The following NOX1 variants were observed in gnomAD, a reference collection of about 807,000 sequenced individuals.
NOX1 encodes the protein NADPH oxidase 1, also known as NADH/NADPH mitogenic oxidase subunit P65-MOX.
NOX1 carries 34 observed loss-of-function variants against 42.5 expected under a neutral mutation model. The observed-to-expected ratio is 0.80, with a 90% confidence interval of 0.61 to 1.07. NOX1 has a LOEUF of 1.07. Among genes scored for constraint, NOX1 ranks in the 50% least tolerant of loss-of-function variants. The pLI, the probability that NOX1 is intolerant of heterozygous loss-of-function variation, is 0.00. For missense variants in NOX1, 408 were observed against 427.0 expected (o/e 0.96, Z 0.39); for synonymous variants, 143 against 152.5 (o/e 0.94, Z 0.46).
intron 2 of NOX1, among the ~76,000 whole-genome samples, chrX:100,867,256 G>A (rs1047150981): frequency 9.0e-6 from 1 of 111,262 alleles, no homozygotes; most frequent in Non-Finnish European, 1.9e-5. Context: ...TCCTGACCTC[G>A]TGATCCGCCC....
chrX:100,853,373 TC>T lies in NOX1; in HGVS notation c.805-2049del, dbSNP rs1362977650. Among the ~76,000 whole-genome samples, 493 of 96,931 alleles carry T rather than the reference TC, an allele frequency of 5.1e-3. 12 individuals are homozygous for T. The highest frequency in any genetic ancestry group is 0.018 in the African/African-American group (473 of 25,970). 84.2% of individuals were successfully genotyped at this position (96,931 alleles called of 115,157 possible). Reference sequence around the variant, plus strand: ...TTCTTTCTTTCTTTCTTTCTTTTCTTCCTTCCTTCCTTCCTTGCTTTCTTCC... The same window carrying T: ...TTCTTTCTTTCTTTCTTTCTTTTCTTCTTCCTTCCTTCCTTGCTTTCTTCC... On this transcript the variant is annotated intron_variant, in intron 7 of 12. Coordinates refer to ENST00000372966, the MANE Select transcript of NOX1 (RefSeq NM_007052.5).
At position 100,844,195 on chromosome X, in the gene NOX1, C is replaced by A; in HGVS notation, c.1569-117G>T. On this transcript the variant is annotated intron_variant, in intron 12 of 12. Transcript: ENST00000372966. ...TTGAATAAAAATTCGGTTGTTTACTCCCACGTTCTTCATGGTAGTTTTTTA... is the reference window on the plus strand; with the variant it reads ...TTGAATAAAAATTCGGTTGTTTACTACCACGTTCTTCATGGTAGTTTTTTA... 4 of 664,572 alleles carry A rather than the reference C, an allele frequency of 6.0e-6. No homozygotes were observed. In the South Asian group the frequency reaches 1.3e-4, roughly 22 times the overall value. The allele number at this position is 664,572 out of a possible 1,213,427, so 54.8% of individuals were successfully genotyped here.
intron 7 of NOX1, chrX:100,855,200 T>G: frequency 2.1e-6 from 1 of 468,773 alleles, no homozygotes; most frequent in Non-Finnish European, 3.9e-6. Context: ...GCCACCACTG[T>G]GTTTGGCTGA....
At chrX:100,865,036 C>T (rs887658549) in intron 2 of NOX1, among the ~76,000 whole-genome samples, 2 of 112,327 alleles carry the variant, frequency 1.8e-5, no homozygotes, top group African/African-American at 6.5e-5. Flanking sequence ...TTTAATAAGC[C>T]AGGACAAGAT....
chrX:100,869,858 G>A (rs2147921423), intron 2 of NOX1, among the ~76,000 whole-genome samples: 1 of 101,020 alleles, frequency 9.9e-6, no homozygotes, highest in Non-Finnish European at 2.0e-5. Flanking sequence ...TTTATTGAGA[G>A]TTTTTAGCAT....
intron 7 of NOX1, among the ~76,000 whole-genome samples, chrX:100,860,676 G>A (rs1388243991): frequency 9.0e-6 from 1 of 111,572 alleles, no homozygotes; most frequent in Admixed American, 9.6e-5. Flanking sequence ...TTATATATTA[G>A]AAAATTAGTC....
At chrX:100,850,934 G>A (rs762296455) in intron 8 of NOX1, among the ~76,000 whole-genome samples, 9 of 111,048 alleles carry the variant, frequency 8.1e-5, no homozygotes, top group Non-Finnish European at 1.7e-4. Flanking sequence ...CTGCCTCCCG[G>A]GTTCAAGCGA....
At chrX:100,853,090 C>G (rs987816346) in intron 7 of NOX1, among the ~76,000 whole-genome samples, 1 of 111,010 alleles carries the variant, frequency 9.0e-6, no homozygotes, top group African/African-American at 3.3e-5. Context: ...TGGAACTTCA[C>G]TTCTGGGAAA....
At chrX:100,844,365 G>A (rs1409002261) in intron 12 of NOX1, among the ~76,000 whole-genome samples, 2 of 112,285 alleles carry the variant, frequency 1.8e-5, no homozygotes, top group East Asian at 5.6e-4. Flanking sequence ...TGTCTGGGTT[G>A]TCTGGGCTCA....
At chrX:100,854,983 T>C (rs1363025271) in intron 7 of NOX1, among the ~76,000 whole-genome samples, 4 of 110,795 alleles carry the variant, frequency 3.6e-5, no homozygotes, top group Non-Finnish European at 5.7e-5. Flanking sequence ...TTCAGTGTCA[T>C]GATCAGACTA....
At chrX:100,861,492 A>T (rs1388101045) in intron 7 of NOX1, among the ~76,000 whole-genome samples, 1 of 111,655 alleles carries the variant, frequency 9.0e-6, no homozygotes, top group Non-Finnish European at 1.9e-5. Context: ...AAGCAAAGGT[A>T]AATAATAATA....
At chrX:100,854,725 A>G (rs1248327231) in intron 7 of NOX1, among the ~76,000 whole-genome samples, 1 of 112,077 alleles carries the variant, frequency 8.9e-6, no homozygotes, top group Non-Finnish European at 1.9e-5. Flanking sequence ...ATAACCAATA[A>G]TTCCATGATT....
rs145918754 is a variant in NOX1 at position 100,853,414 on chromosome X, T to C, written c.805-2089A>G. Among the ~76,000 whole-genome samples the C allele has an allele frequency of 9.3e-3, 924 of 99,298 alleles. 13 individuals are homozygous for C. Among genetic ancestry groups the C allele is most frequent in the African/African-American group, 0.035 (877 of 25,371 alleles). 86.2% of individuals were successfully genotyped at this position (99,298 alleles called of 115,157 possible). A position where few individuals can be genotyped will look rare whatever the true frequency, so the allele number is the denominator to read the frequency against. On this transcript the variant is annotated intron_variant, in intron 7 of 12. Coordinates refer to ENST00000372966, the MANE Select transcript of NOX1 (RefSeq NM_007052.5). ...TGCTTTCTTCCTTGCGTCCTTCCTTTCTTTCTTTCTTTTTTTTTTTTGACA... is the reference window on the plus strand; with the variant it reads ...TGCTTTCTTCCTTGCGTCCTTCCTTCCTTTCTTTCTTTTTTTTTTTTGACA...
At chrX:100,867,094 G>A in intron 2 of NOX1, among the ~76,000 whole-genome samples, 1 of 111,727 alleles carries the variant, frequency 9.0e-6, no homozygotes. Flanking sequence ...GTGCAGTGGC[G>A]CGATCTCGGC....
chrX:100,853,274 C>CTT (rs1318444108), intron 7 of NOX1, among the ~76,000 whole-genome samples: 1 of 52,033 alleles, frequency 1.9e-5, no homozygotes, highest in African/African-American at 9.0e-5. Flanking sequence ...TTCTTTCTTT[C>CTT]TTTCTTTCTT....
At chrX:100,857,666 G>A (rs759214136) in intron 7 of NOX1, among the ~76,000 whole-genome samples, 25 of 109,340 alleles carry the variant, frequency 2.3e-4, no homozygotes, top group African/African-American at 7.0e-4. Context: ...TGTTGGCTGC[G>A]TGTGTGTCTT....
chrX:100,873,796 T>C (rs181940589), intron 1 of NOX1, among the ~76,000 whole-genome samples: 16 of 111,572 alleles, frequency 1.4e-4, no homozygotes, highest in African/African-American at 4.9e-4. Context: ...ATAGGAAAGA[T>C]AGAGAGAAAT....
intron 1 of NOX1, among the ~76,000 whole-genome samples, chrX:100,873,591 G>C (rs2085289084): frequency 8.9e-6 from 1 of 111,834 alleles, no homozygotes; most frequent in Admixed American, 9.5e-5. Context: ...TTGATATGTT[G>C]GGTTAAATGA....
At chrX:100,857,539 T>C (rs1169516318) in intron 7 of NOX1, among the ~76,000 whole-genome samples, 1 of 111,990 alleles carries the variant, frequency 8.9e-6, no homozygotes, top group Non-Finnish European at 1.9e-5. Context: ...CACCAACATC[T>C]GTTATTTTTT....
Sources: allele counts gnomAD v4.1 joint callset (sites outside exome capture counted in the v4.1 genomes callset), GRCh38; gene constraint gnomAD v4.1.1; transcripts MANE v1.5; gene names NCBI Gene and HGNC (gene_info 2026-07-23, HGNC 2026-07-21).